The following TMEM222 variants were observed in gnomAD, a reference collection of about 807,000 sequenced individuals.
TMEM222 encodes the protein chromosome 1 open reading frame 160.
TMEM222 carries 18 observed loss-of-function variants against 25.1 expected under a neutral mutation model. The ratio of observed to expected loss-of-function variants is 0.72; its 90% CI spans 0.50 to 1.06. The LOEUF (loss-of-function observed/expected upper bound fraction) is 1.06. Among genes scored for constraint, TMEM222 ranks in the 50% least tolerant of loss-of-function variants. TMEM222 has a pLI of 0.00. For synonymous variants in TMEM222, 131 were observed against 117.9 expected, an observed-to-expected ratio of 1.11 and a Z score of -0.72; for missense variants, 296 against 293.7, an observed-to-expected ratio of 1.01 and a Z score of -0.06.
chr1:27,332,011 G>T, intron 2 of TMEM222, 59 bp from the exon 3 acceptor site: 1 of 1,600,788 alleles, frequency 6.2e-7, no homozygotes, highest in South Asian at 1.1e-5. Flanking sequence ...ACCTACCCAG[G>T]TTTGTCATCT....
At chr1:27,330,949 A>G (rs1407983229) in intron 2 of TMEM222, 145 bp downstream of exon 2, 3 of 1,536,106 alleles carry the variant, frequency 2.0e-6, no homozygotes, top group Non-Finnish European at 2.6e-6. Flanking sequence ...GCCCCTCACC[A>G]GTGTTTGACC....
intron 1 of TMEM222, among the ~76,000 whole-genome samples, chr1:27,327,661 T>C (rs544247214): frequency 2.6e-5 from 4 of 152,260 alleles, no homozygotes; most frequent in Non-Finnish European, 4.4e-5. Flanking sequence ...AGTGCTGGGA[T>C]TACAGGCGTG....
intron 3 of TMEM222, 133 bp downstream of exon 3, chr1:27,332,234 A>ATGCTCTGGTGGACCCT: frequency 1.9e-6 from 2 of 1,057,946 alleles, no homozygotes; most frequent in Middle Eastern, 2.4e-4. Context: ...GAGGTCAGCC[A>ATGCTCTGGTGGACCCT]GGGTCCACCA....
At chr1:27,332,702 AGAGACTGGGCCGAG>A (rs536619861) in intron 3 of TMEM222, 34 of 601,546 alleles carry the variant, frequency 5.7e-5, no homozygotes, top group South Asian at 4.6e-4. Context: ...CACTGGGAGG[AGAGACTGGGCCGAG>A]GAGGAGTTGG....
chr1:27,322,450 G>C (rs1377760840), intron 1 of TMEM222, 59 bp downstream of exon 1: 1 of 1,318,396 alleles, frequency 7.6e-7, no homozygotes, highest in African/African-American at 1.5e-5. Context: ...GCCGGAGTCG[G>C]GCCGGGCTAG....
At chr1:27,332,314 C>T in intron 3 of TMEM222, 3 of 704,920 alleles carry the variant, frequency 4.3e-6, no homozygotes, top group Middle Eastern at 3.1e-4. Context: ...TGTAGACCAT[C>T]TGGGCCTTGC....
chr1:27,335,573 C>G lies in TMEM222; in HGVS notation c.*107C>G. 9.0e-7 allele frequency: 1 copy of G among 1,115,674 alleles called. No individual in the cohort carries two copies. Among genetic ancestry groups the G allele is most frequent in the Non-Finnish European group, 1.3e-6 (1 of 758,098 alleles). The allele number at this position is 1,115,674 out of a possible 1,614,324, so 69.1% of individuals were successfully genotyped here. A position where few individuals can be genotyped will look rare whatever the true frequency, so the allele number is the denominator to read the frequency against. On this transcript the variant is annotated 3_prime_UTR_variant, in exon 6 of 6. Coordinates refer to ENST00000374076, the MANE Select transcript of TMEM222 (RefSeq NM_032125.3). ...ACCCCAAAAGGCAGGGTTGGGCCTG[C>G]TGTTGTGGACCGGGGGTCGGGGCTG...
In TMEM222 at chr1:27,322,334, A is replaced by T. The variant is rs765908269; in HGVS notation, c.137A>T (p.Asp46Val). ...QYQGSGGVAM[D>V]VERSRFPYCV... ...CAAGGCTCCGGCGGCGTCGCCATGG[A>T]TGTGGAACGGAGTCGCTTCCCCTAC... Residue 46 changes from aspartate to valine, a missense_variant, in exon 1 of 6, where the codon GAT becomes GTT. Transcript: ENST00000374076. The T allele has an allele frequency of 1.3e-6, 2 of 1,541,924 alleles. No homozygotes were observed. Among genetic ancestry groups the T allele is most frequent in the East Asian group, 2.5e-5 (1 of 39,754 alleles).
rs2014320751 is a variant in TMEM222, at chr1:27,325,505, C to T, written c.194+3114C>T. On this transcript the variant is annotated intron_variant, in intron 1 of 5. Coordinates refer to ENST00000374076, the MANE Select transcript of TMEM222 (RefSeq NM_032125.3). Reference sequence around the variant, plus strand: ...CTTGCGGCATCCACGAGACCACGTTCAACTCCATCATGAAGTGTGACGTAG... The same window carrying T: ...CTTGCGGCATCCACGAGACCACGTTTAACTCCATCATGAAGTGTGACGTAG... 12 of 1,464,380 alleles carry T rather than the reference C, an allele frequency of 8.2e-6. No individual in the cohort carries two copies. In the Admixed American group the frequency reaches 2.0e-4, roughly 25 times the overall value. 90.7% of individuals were successfully genotyped at this position (1,464,380 alleles called of 1,614,324 possible).
At chr1:27,335,261 G>GCTT in intron 5 of TMEM222, 118 bp from the exon 6 acceptor site, 2 of 938,762 alleles carry the variant, frequency 2.1e-6, no homozygotes, top group South Asian at 2.8e-5. Context: ...GTGAGGGGGT[G>GCTT]GTTGGGTTTT....
chr1:27,327,180 CA>C (rs1240241719), intron 1 of TMEM222, among the ~76,000 whole-genome samples: 1 of 152,082 alleles, frequency 6.6e-6, no homozygotes, highest in Non-Finnish European at 1.5e-5. Context: ...CAACATTGAG[CA>C]GCTGCCAAGC....
In TMEM222 at chr1:27,335,822, G is replaced by A. The variant is rs567543918; in HGVS notation, c.*356G>A. ...CCAGTATGGGGAGAGGAGGACATTT[G>A]GGCTCACCTGTCAAGGTGGCCCTGG... On this transcript the variant is annotated 3_prime_UTR_variant, in exon 6 of 6. Coordinates refer to ENST00000374076, the MANE Select transcript of TMEM222 (RefSeq NM_032125.3). 4 of 307,696 alleles carry A rather than the reference G, an allele frequency of 1.3e-5. No individual in the cohort carries two copies. Among genetic ancestry groups the A allele is most frequent in the African/African-American group, 8.5e-5 (4 of 47,142 alleles). 19.1% of individuals were successfully genotyped at this position (307,696 alleles called of 1,614,324 possible).
chr1:27,324,455 G>A lies in TMEM222; in HGVS notation c.194+2064G>A, dbSNP rs575793376. On this transcript the variant is annotated intron_variant, in intron 1 of 5. Transcript: ENST00000374076. ...CACCATCTGTGGCGTGGTCCTCTGC[G>A]GAGAATGGTAGCAGCGTGAGGTGGA... Among the ~76,000 whole-genome samples, 10 of 152,070 alleles carry A rather than the reference G, an allele frequency of 6.6e-5. No individual in the cohort carries two copies. The East Asian group carries it at 7.7e-4, about 12-fold the overall frequency.
chr1:27,333,146 G>C (rs41291078), intron 3 of TMEM222: 1 of 360,572 alleles, frequency 2.8e-6, no homozygotes. Context: ...AACTCCCCGC[G>C]TGATGTGGCC....
intron 5 of TMEM222, chr1:27,334,745 G>A: frequency 1.6e-6 from 2 of 1,251,364 alleles, no homozygotes; most frequent in South Asian, 3.1e-5. Flanking sequence ...AGACTCGTGA[G>A]CCAGCATAGG....
chr1:27,326,077 T>C (rs1248157891), intron 1 of TMEM222, among the ~76,000 whole-genome samples: 1 of 152,204 alleles, frequency 6.6e-6, no homozygotes. Context: ...GGTCACTGCG[T>C]GGCAAGGTAA....
chr1:27,327,524 G>A (rs142833600), intron 1 of TMEM222, among the ~76,000 whole-genome samples: 1,636 of 152,330 alleles, frequency 0.011, 37 homozygotes, highest in African/African-American at 0.035. Flanking sequence ...GAGTAGCTGG[G>A]ATTACAGGCA....
Position 27,331,719 on chromosome 1 carries a change from G to A in TMEM222, c.280-351G>A, listed in dbSNP as rs138248418. 1.9e-3 allele frequency among the ~76,000 whole-genome samples: 286 copies of A among 152,364 alleles called. 1 individual carries two copies. Among genetic ancestry groups the A allele is most frequent in the African/African-American group, 6.3e-3 (261 of 41,584 alleles). On this transcript the variant is annotated intron_variant, in intron 2 of 5. Transcript: ENST00000374076. The stretch of plus-strand genomic sequence containing the variant: ...CAGACCATGATGGAAACCTCCTGCT[G>A]GTCCTCAGAGATCAGAGAAGACTGA...
At chr1:27,333,327 C>A in intron 3 of TMEM222, 1 of 471,116 alleles carries the variant, frequency 2.1e-6, no homozygotes. Context: ...TCTTTCTATG[C>A]CTGCCTAACC....
Sources: gnomAD v4.1 joint callset for allele counts (sites outside exome capture counted in the v4.1 genomes callset) on GRCh38, gnomAD v4.1.1 for gene constraint, MANE v1.5 for transcripts, NCBI Gene and HGNC (gene_info 2026-07-23, HGNC 2026-07-21) for gene names.